The following GALNT3 variants were observed in gnomAD, a reference collection of about 807,000 sequenced individuals.
The protein encoded by GALNT3 is GalNAc transferase 3.
In GALNT3, 51 loss-of-function variants were observed where a neutral mutation model predicts 69.8. The ratio of observed to expected loss-of-function variants is 0.73; its 90% confidence interval spans 0.58 to 0.92. The LOEUF (loss-of-function observed/expected upper bound fraction) is 0.92, where lower values mean the gene tolerates loss of function less well. Among genes scored for constraint, GALNT3 ranks in the 40% least tolerant of loss-of-function variants. The probability of loss-of-function intolerance (pLI) is 0.00; values close to 1 mark genes in which losing one functional copy is unlikely to be tolerated. For synonymous variants in GALNT3, 265 were observed against 248.5 expected (o/e 1.07, Z -0.63); for missense variants, 711 against 760.0 (o/e 0.94, Z 0.76).
At chr2:165,756,529 C>T (rs1449654641) in intron 7 of GALNT3, among the ~76,000 whole-genome samples, 1 of 152,094 alleles carries the variant, frequency 6.6e-6, no homozygotes, top group Non-Finnish European at 1.5e-5. Flanking sequence ...TAAGCATGCA[C>T]TCCATGTCCA....
chr2:165,756,226 T>A (rs1022130420), intron 7 of GALNT3, among the ~76,000 whole-genome samples: 4 of 152,168 alleles, frequency 2.6e-5, no homozygotes, highest in African/African-American at 7.2e-5. Context: ...TCCCTCACCC[T>A]GCAAATTAGC....
At chr2:165,782,668 T>C (rs1283227061) in intron 1 of GALNT3, among the ~76,000 whole-genome samples, 1 of 152,188 alleles carries the variant, frequency 6.6e-6, no homozygotes, top group Non-Finnish European at 1.5e-5. Flanking sequence ...TGAGCACTTT[T>C]AAGTCTCCAC....
chr2:165,754,389 CTCCTT>C (rs1252896756), intron 9 of GALNT3, among the ~76,000 whole-genome samples: 2 of 110,474 alleles, frequency 1.8e-5, no homozygotes, highest in South Asian at 7.1e-4. Context: ...TCAGCTCGGC[CTCCTT>C]TTTTTTTTTT....
chr2:165,759,006 T>C, intron 5 of GALNT3, 142 bp from the exon 6 acceptor site: 1 of 697,360 alleles, frequency 1.4e-6, no homozygotes, highest in South Asian at 1.7e-5. Flanking sequence ...AGAAATGCTA[T>C]CTTCAAAGTC....
chr2:165,762,077 T>C (rs1688561762), intron 3 of GALNT3, 23 bp from the exon 4 acceptor site: 1 of 1,486,028 alleles, frequency 6.7e-7, no homozygotes, highest in Non-Finnish European at 9.4e-7. Flanking sequence ...AAAATCAGGG[T>C]TAATTCTTTC....
intron 1 of GALNT3, among the ~76,000 whole-genome samples, chr2:165,782,485 G>A (rs1168030147): frequency 6.6e-6 from 1 of 152,070 alleles, no homozygotes; most frequent in Non-Finnish European, 1.5e-5. Context: ...GTGGCCCATG[G>A]GCCACAGGTT....
chr2:165,759,459 T>C lies in GALNT3; in HGVS notation c.950A>G (p.Asn317Ser). The C allele has an allele frequency of 6.2e-7, 1 of 1,614,084 alleles. No homozygotes were observed. The highest frequency in any genetic ancestry group is 8.5e-7 in the Non-Finnish European group (1 of 1,180,002). Residue 317 changes from asparagine (N) to serine (S), a missense_variant, in exon 5 of 11, where the codon AAC (asparagine) becomes AGC (serine). By Grantham distance (46) the Asn-to-Ser change is conservative. Coordinates refer to ENST00000392701, the MANE Select transcript of GALNT3 (RefSeq NM_004482.4). ...ASIDLNTFEFNKPSPYGSNHN... is the reference protein window; with the variant it reads ...ASIDLNTFEFSKPSPYGSNHN... Reference sequence around the variant, plus strand: ...GTTACTTCCATAAGGAGAAGGTTTGTTGAATTCAAACGTGTTCAGATCTAT... The same window carrying C: ...GTTACTTCCATAAGGAGAAGGTTTGCTGAATTCAAACGTGTTCAGATCTAT...
chr2:165,791,876 C>T (rs1683360618), intron 1 of GALNT3, among the ~76,000 whole-genome samples: 1 of 151,784 alleles, frequency 6.6e-6, no homozygotes, highest in Admixed American at 6.6e-5. Context: ...CGAAGTCAGG[C>T]AATATTTGGA....
intron 2 of GALNT3, among the ~76,000 whole-genome samples, chr2:165,766,891 T>G (rs1035854938): frequency 6.6e-6 from 1 of 152,064 alleles, no homozygotes; most frequent in African/African-American, 2.4e-5. Context: ...GGAGTTGGAT[T>G]GGGGTAAAAT....
At chr2:165,769,429 AAT>A in intron 2 of GALNT3, among the ~76,000 whole-genome samples, 3 of 141,002 alleles carry the variant, frequency 2.1e-5, no homozygotes, top group Non-Finnish European at 3.0e-5. Context: ...TAATAATAAT[AAT>A]AATAATAATA....
intron 1 of GALNT3, among the ~76,000 whole-genome samples, chr2:165,783,728 T>C (rs1376639429): frequency 6.6e-6 from 1 of 152,144 alleles, no homozygotes; most frequent in Non-Finnish European, 1.5e-5. Context: ...TCAAATTTGG[T>C]CTAAGAACTA....
chr2:165,787,375 C>G (rs1028686077), intron 1 of GALNT3, among the ~76,000 whole-genome samples: 1 of 152,174 alleles, frequency 6.6e-6, no homozygotes, highest in Non-Finnish European at 1.5e-5. Flanking sequence ...TGATGGGAGC[C>G]AAATCATGCC....
intron 1 of GALNT3, among the ~76,000 whole-genome samples, chr2:165,791,614 G>A (rs967134562): frequency 1.5e-4 from 23 of 152,108 alleles, no homozygotes; most frequent in African/African-American, 5.6e-4. Flanking sequence ...TTAAGGAAGT[G>A]TGCTTGAAAT....
At chr2:165,784,297 C>T (rs138772320) in intron 1 of GALNT3, among the ~76,000 whole-genome samples, 18 of 152,094 alleles carry the variant, frequency 1.2e-4, no homozygotes, top group African/African-American at 2.2e-4. Flanking sequence ...CTAATGAGAA[C>T]GGAAGTTTAG....
Position 165,755,075 on chromosome 2 carries a change from T to C in GALNT3, c.1393-12A>G, listed in dbSNP as rs544166506. 2 of 1,608,078 alleles carry C rather than the reference T, an allele frequency of 1.2e-6. No homozygotes were observed. Among genetic ancestry groups the C allele is most frequent in the African/African-American group, 1.3e-5 (1 of 74,930 alleles). Reference sequence around the variant, plus strand: ...TCACCAAATGCTTTCTGTAGAAACATGAGAAATGAAGGGAATGCTTAATTA... The same window carrying C: ...TCACCAAATGCTTTCTGTAGAAACACGAGAAATGAAGGGAATGCTTAATTA... On this transcript the variant is annotated splice_polypyrimidine_tract_variant and intron_variant, in intron 7 of 10. Coordinates refer to ENST00000392701, the MANE Select transcript of GALNT3 (RefSeq NM_004482.4).
At chr2:165,752,071 T>C (rs1416683651) in intron 9 of GALNT3, among the ~76,000 whole-genome samples, 2 of 152,194 alleles carry the variant, frequency 1.3e-5, no homozygotes, top group Admixed American at 6.6e-5. Context: ...TCCAAGTTTC[T>C]TAATGGGGCC....
At chr2:165,767,373 T>C (rs1688662118) in intron 2 of GALNT3, among the ~76,000 whole-genome samples, 1 of 152,252 alleles carries the variant, frequency 6.6e-6, no homozygotes, top group South Asian at 2.1e-4. Context: ...TGTGGTTAAT[T>C]AATATAGTAT....
chr2:165,772,360 G>A (rs1469462724), intron 1 of GALNT3, among the ~76,000 whole-genome samples: 1 of 151,978 alleles, frequency 6.6e-6, no homozygotes, highest in African/African-American at 2.4e-5. Context: ...TGAGGCCAGA[G>A]GATCACTTGA....
At chr2:165,756,536 T>G (rs922053898) in intron 7 of GALNT3, among the ~76,000 whole-genome samples, 2 of 152,156 alleles carry the variant, frequency 1.3e-5, no homozygotes, top group Non-Finnish European at 2.9e-5. Flanking sequence ...GCACTCCATG[T>G]CCAGCCACCT....
Sources: allele counts gnomAD v4.1 joint callset (sites outside exome capture counted in the v4.1 genomes callset), GRCh38; gene constraint gnomAD v4.1.1; transcripts MANE v1.5; gene names NCBI Gene and HGNC (gene_info 2026-07-23, HGNC 2026-07-21).